Variants in AHCY observed in about 807,000 individuals in gnomAD.
AHCY encodes the protein adenosylhomocysteinase, also known as S-adenosyl-L-homocysteine hydrolase.
A neutral mutation model predicts 45.4 loss-of-function variants in AHCY; 24 were observed. That is an observed-to-expected ratio of 0.53 (90% CI 0.38 to 0.74). AHCY has a LOEUF of 0.74. AHCY is among the 30% of genes least tolerant of loss of function. The probability of loss-of-function intolerance (pLI) is 0.00; values close to 1 mark genes in which losing one functional copy is unlikely to be tolerated. For missense variants in AHCY, 449 were observed against 594.1 expected (o/e 0.76, Z 2.54); for synonymous variants, 245 against 235.1 (o/e 1.04, Z -0.39).
chr20:34,253,508 C>T, the AHCY span, among the ~76,000 whole-genome samples: 329 of 147,822 alleles, frequency 2.2e-3, 3 homozygotes, highest in Non-Finnish European at 3.8e-3. Flanking sequence ...AGTCTTGCTC[C>T]GTTGCCCAGG....
the AHCY span, among the ~76,000 whole-genome samples, chr20:34,254,064 T>C: frequency 7.2e-5 from 11 of 151,928 alleles, no homozygotes; most frequent in African/African-American, 1.5e-4. Context: ...TGTTTTGTTT[T>C]GTTTCGTTTT....
At chr20:34,235,783 AAAG>A in the AHCY span, among the ~76,000 whole-genome samples, 1 of 138,192 alleles carries the variant, frequency 7.2e-6, no homozygotes, top group African/African-American at 2.8e-5. Context: ...AGACTCTGAG[AAAG>A]AAGAAAGAAA....
At chr20:34,271,426 C>T in the AHCY span, among the ~76,000 whole-genome samples, 1 of 152,202 alleles carries the variant, frequency 6.6e-6, no homozygotes, top group African/African-American at 2.4e-5. Context: ...CTATTTCTGT[C>T]TCACACACAT....
At chr20:34,281,348 C>A (rs750633488) in intron 9 of AHCY, among the ~76,000 whole-genome samples, 183 bp from the exon 10 acceptor site, 2 of 152,228 alleles carry the variant, frequency 1.3e-5, no homozygotes, top group South Asian at 4.1e-4. Context: ...CCCAGCCCCC[C>A]TCAAAAGGGA....
the AHCY span, chr20:34,245,984 C>G: frequency 8.0e-7 from 1 of 1,250,540 alleles, no homozygotes; most frequent in Non-Finnish European, 1.2e-6. Context: ...ATCTTTGATG[C>G]TGTCATCATC....
the AHCY span, among the ~76,000 whole-genome samples, chr20:34,258,336 G>A: frequency 7.2e-6 from 1 of 139,446 alleles, no homozygotes; most frequent in Non-Finnish European, 1.5e-5. Flanking sequence ...TAGGGTCTCC[G>A]TTGGATATTC....
At chr20:34,291,979 C>T (rs1228108178) in intron 4 of AHCY, among the ~76,000 whole-genome samples, 1 of 152,256 alleles carries the variant, frequency 6.6e-6, no homozygotes, top group Non-Finnish European at 1.5e-5. Context: ...ACGAAGTTCA[C>T]ACCATACCCG....
At chr20:34,280,101 C>T (rs1038521745), downstream of AHCY, among the ~76,000 whole-genome samples, 10 of 151,912 alleles carry the variant, frequency 6.6e-5, no homozygotes, top group East Asian at 3.9e-4. Flanking sequence ...CAAAAAAAAA[C>T]GAAAGAGTTC....
At chr20:34,247,197 T>G in the AHCY span, among the ~76,000 whole-genome samples, 4 of 152,216 alleles carry the variant, frequency 2.6e-5, no homozygotes, top group East Asian at 7.7e-4. Flanking sequence ...AAATAGCTAT[T>G]TTTAGAAAAG....
intron 1 of AHCY, among the ~76,000 whole-genome samples, chr20:34,298,268 A>G (rs938744660): frequency 6.6e-6 from 1 of 152,222 alleles, no homozygotes; most frequent in Non-Finnish European, 1.5e-5. Flanking sequence ...TACTAGATAT[A>G]GATCTTATAT....
the AHCY span, among the ~76,000 whole-genome samples, chr20:34,238,912 G>T: frequency 5.3e-5 from 8 of 152,226 alleles, no homozygotes; most frequent in East Asian, 1.5e-3. Flanking sequence ...CCTAGAAGTT[G>T]CAAGCCTTCA....
At chr20:34,262,708 C>A in the AHCY span, 3 of 1,037,692 alleles carry the variant, frequency 2.9e-6, no homozygotes, top group Non-Finnish European at 4.5e-6. Context: ...TGTGACTCAT[C>A]CAGCACGCTT....
chr20:34,243,356 A>G, the AHCY span, among the ~76,000 whole-genome samples: 1 of 152,252 alleles, frequency 6.6e-6, no homozygotes, highest in African/African-American at 2.4e-5. Flanking sequence ...TCTGTTAGGC[A>G]TAACAATTAG....
At chr20:34,233,519 G>T in the AHCY span, among the ~76,000 whole-genome samples, 1 of 152,282 alleles carries the variant, frequency 6.6e-6, no homozygotes, top group East Asian at 1.9e-4. Context: ...CTGTAGGATG[G>T]TTGCACAACT....
At chr20:34,303,150 A>T in intron 1 of AHCY, 93 bp downstream of exon 1, 1 of 1,539,360 alleles carries the variant, frequency 6.5e-7, no homozygotes, top group Non-Finnish European at 8.8e-7. Flanking sequence ...CAGGGGGTCC[A>T]GAGAGCCCCG....
chr20:34,285,474 T>C lies in AHCY; in HGVS notation c.1133A>G (p.Lys378Arg), dbSNP rs762260983. The change falls in exon 9 of 10, where the codon AAG becomes AGG. Residue 378 changes from lysine to arginine, a missense_variant. By Grantham distance (26) the Lys-to-Arg change is conservative. Coordinates refer to ENST00000217426, the MANE Select transcript of AHCY (RefSeq NM_000687.4). ...CAGGAAATGAACCCCAACGGGGTAC[T>C]TGTCTGGATGGGTCCACAGCTCGAT... ...AQIELWTHPD[K>R]YPVGVHFLPK... 7.4e-6 allele frequency: 12 copies of C among 1,614,080 alleles called. No homozygotes were observed. Among genetic ancestry groups the C allele is most frequent in the East Asian group, 6.7e-5 (3 of 44,882 alleles).
At chr20:34,278,893 G>C (rs554067003), downstream of AHCY, among the ~76,000 whole-genome samples, 41 of 151,846 alleles carry the variant, frequency 2.7e-4, no homozygotes, top group Non-Finnish European at 5.1e-4. Context: ...CAGATCACCT[G>C]AGGTTAGGAG....
rs1601655978 is a variant in AHCY, at chr20:34,290,355, C to T, written c.949G>A (p.Glu317Lys). 1 of 1,614,174 alleles carries T rather than the reference C, an allele frequency of 6.2e-7. No homozygotes were observed. Among genetic ancestry groups the T allele is most frequent in the Non-Finnish European group, 8.5e-7 (1 of 1,180,044 alleles). The change falls in exon 8 of 10, where the codon GAG (glutamate) becomes AAG (lysine). Residue 317 changes from glutamate (E) to lysine (K), a missense_variant. Physicochemically the swap from Glu to Lys is moderately conservative, Grantham distance 56. Transcript: ENST00000217426. The surrounding 1 kb of genome is among the most constrained non-coding windows in gnomAD (Gnocchi z 4.5). Reference protein sequence around the residue: ...DVKWLNENAVEKVNIKPQVDR... With the variant: ...DVKWLNENAVKKVNIKPQVDR... The stretch of plus-strand genomic sequence containing the variant: ...ACCTGCGGCTTGATGTTCACCTTCT[C>T]CACGGCGTTCTCGTTGAGCCACTTG...
At chr20:34,302,831 C>T in intron 1 of AHCY, 1 of 985,426 alleles carries the variant, frequency 1.0e-6, no homozygotes. Context: ...CTGTAGGAGG[C>T]CCAGAGAGGG....
Sources: allele counts gnomAD v4.1 joint callset (sites outside exome capture counted in the v4.1 genomes callset), GRCh38; gene constraint gnomAD v4.1.1; non-coding constraint Gnocchi (gnomAD v3.1); transcripts MANE v1.5; gene names NCBI Gene and HGNC (gene_info 2026-07-23, HGNC 2026-07-21).